Variants in COL6A5 observed in about 807,000 individuals in gnomAD.
COL6A5 encodes the protein collagen alpha-5(VI) chain.
COL6A5 carries 48 observed loss-of-function variants against 65.6 expected under a neutral mutation model. The ratio of observed to expected loss-of-function variants is 0.73; its 90% confidence interval spans 0.58 to 0.93. The LOEUF is 0.93. Ranked by LOEUF, COL6A5 falls within the 40% of genes least tolerant of loss-of-function variation. The probability of loss-of-function intolerance (pLI) is 0.00; values close to 1 mark genes in which losing one functional copy is unlikely to be tolerated. For synonymous variants in COL6A5, 291 were observed against 322.8 expected, an observed-to-expected ratio of 0.90 and a Z score of 1.05; for missense variants, 914 against 928.3, an observed-to-expected ratio of 0.98 and a Z score of 0.20.
chr3:130,369,658 G>A (rs1291132893), intron 1 of COL6A5, among the ~76,000 whole-genome samples: 1 of 152,132 alleles, frequency 6.6e-6, no homozygotes, highest in Non-Finnish European at 1.5e-5. Context: ...TTTGACCAAA[G>A]GAATGCAATC....
At chr3:130,454,411 T>C (rs1007915335) in intron 4 of COL6A5, among the ~76,000 whole-genome samples, 1 of 152,192 alleles carries the variant, frequency 6.6e-6, no homozygotes, top group Non-Finnish European at 1.5e-5. Context: ...GTGATGTCAC[T>C]TGATTTTCTC....
chr3:130,419,907 A>C (rs1018999277), intron 25 of COL6A5, among the ~76,000 whole-genome samples: 21 of 152,134 alleles, frequency 1.4e-4, no homozygotes, highest in Non-Finnish European at 2.9e-4. Flanking sequence ...AAAAGAAAAA[A>C]ATAGTAAATA....
At chr3:130,401,843 C>T (rs764287758) in exon 12 of COL6A5, 11 of 1,550,820 alleles carry the variant, frequency 7.1e-6, no homozygotes, top group African/African-American at 1.4e-5. Flanking sequence ...CCGAGGACTA[C>T]AAGCCATGAA....
chr3:130,443,994 G>GATTGAAGCC (rs1709248793), intron 4 of COL6A5, among the ~76,000 whole-genome samples: 1 of 152,218 alleles, frequency 6.6e-6, no homozygotes, highest in South Asian at 2.1e-4. Context: ...TCATGACCCA[G>GATTGAAGCC]ATTGAAGCCA....
chr3:130,405,897 A>G, intron 14 of COL6A5, 96 bp from the exon 15 acceptor site: 2 of 1,234,628 alleles, frequency 1.6e-6, no homozygotes, highest in Non-Finnish European at 2.3e-6. Flanking sequence ...GCCCGAAGCG[A>G]CTAAAGAAAT....
intron 23 of COL6A5, 41 bp from the exon 24 acceptor site, chr3:130,416,716 T>G: frequency 8.8e-7 from 1 of 1,141,620 alleles, no homozygotes; most frequent in Non-Finnish European, 1.3e-6. Context: ...TTCTAAGAAT[T>G]ACTACGGTGC....
exon 4 of COL6A5, chr3:130,443,502 A>G: frequency 6.2e-7 from 1 of 1,611,220 alleles, no homozygotes; most frequent in Non-Finnish European, 8.5e-7. Flanking sequence ...CCCACCACCG[A>G]TGCTTGAGGA....
At chr3:130,456,520 C>A (rs975521865) in intron 5 of COL6A5, among the ~76,000 whole-genome samples, 25 of 151,768 alleles carry the variant, frequency 1.6e-4, no homozygotes, top group African/African-American at 5.8e-4. Flanking sequence ...AATGAGGTAC[C>A]CCGTTCTCCA....
At chr3:130,373,794 C>A (rs141431241) in intron 2 of COL6A5, 89 bp downstream of exon 2, 2 of 848,872 alleles carry the variant, frequency 2.4e-6, no homozygotes, top group Non-Finnish European at 3.7e-6. Flanking sequence ...AATTTATTTA[C>A]TAAAAATCAA....
intron 1 of COL6A5, among the ~76,000 whole-genome samples, chr3:130,432,638 T>C (rs552079355): frequency 6.6e-5 from 10 of 152,044 alleles, no homozygotes; most frequent in Middle Eastern, 6.9e-3. Flanking sequence ...AGATTCGAAC[T>C]TAGGTCTATG....
intron 8 of COL6A5, 111 bp downstream of exon 8, chr3:130,395,576 G>C: frequency 1.2e-6 from 1 of 830,448 alleles, no homozygotes; most frequent in South Asian, 1.7e-5. Context: ...CATATATTTA[G>C]TGAGAATATC....
intron 7 of COL6A5, among the ~76,000 whole-genome samples, chr3:130,475,109 A>C (rs1710061992): frequency 6.6e-6 from 1 of 151,610 alleles, no homozygotes; most frequent in African/African-American, 2.4e-5. Flanking sequence ...GAAGAGAGAA[A>C]AGATTGCGAA....
chr3:130,362,289 C>CATATATATAT (rs1184871633), intron 1 of COL6A5, among the ~76,000 whole-genome samples: 162 of 12,446 alleles, frequency 0.013, 8 homozygotes, highest in Middle Eastern at 0.071. Context: ...TGTCTTTCTC[C>CATATATATAT]ATATATATAT....
chr3:130,420,866 C>T (rs1016151900), intron 25 of COL6A5, among the ~76,000 whole-genome samples: 3 of 152,066 alleles, frequency 2.0e-5, no homozygotes, highest in Non-Finnish European at 4.4e-5. Context: ...GGACCAGCTC[C>T]TAATTTTCTA....
intron 1 of COL6A5, among the ~76,000 whole-genome samples, chr3:130,358,302 T>C (rs188060660): frequency 1.5e-3 from 225 of 152,188 alleles, no homozygotes; most frequent in Non-Finnish European, 2.5e-3. Flanking sequence ...GGTATATACA[T>C]TGAGAAAGGA....
intron 29 of COL6A5, among the ~76,000 whole-genome samples, chr3:130,425,567 A>G (rs1375388741): frequency 6.6e-6 from 1 of 152,198 alleles, no homozygotes; most frequent in Non-Finnish European, 1.5e-5. Context: ...CTGCTGAGAA[A>G]GAAGGACTGA....
intron 4 of COL6A5, among the ~76,000 whole-genome samples, chr3:130,452,213 G>A (rs904629552): frequency 6.6e-6 from 1 of 152,106 alleles, no homozygotes; most frequent in Non-Finnish European, 1.5e-5. Context: ...GTGTTTCTGT[G>A]GACCAAACCG....
chr3:130,465,955 G>A (rs1709804902), intron 5 of COL6A5, among the ~76,000 whole-genome samples: 1 of 151,736 alleles, frequency 6.6e-6, no homozygotes, highest in Non-Finnish European at 1.5e-5. Context: ...AAAACAAAAA[G>A]ATTGGCAAAC....
intron 4 of COL6A5, among the ~76,000 whole-genome samples, chr3:130,452,584 G>A (rs1332291442): frequency 1.3e-5 from 2 of 152,152 alleles, no homozygotes; most frequent in African/African-American, 4.8e-5. Context: ...ACTTCACAAG[G>A]TAATAGAATA....
Sources: allele counts gnomAD v4.1 joint callset (sites outside exome capture counted in the v4.1 genomes callset), GRCh38; gene constraint gnomAD v4.1.1; transcripts MANE v1.5; gene names NCBI Gene and HGNC (gene_info 2026-07-23, HGNC 2026-07-21).